Variants in BCL2L12 observed in about 807,000 individuals in gnomAD.
BCL2L12 encodes BCL2 like 12.
A neutral mutation model predicts 25.7 loss-of-function variants in BCL2L12; 27 were observed. The observed-to-expected ratio is 1.05, with a 90% confidence interval of 0.78 to 1.45. The LOEUF (loss-of-function observed/expected upper bound fraction) is 1.45, where lower values mean the gene tolerates loss of function less well. BCL2L12 is among the 40% of genes most tolerant of loss of function. The pLI, the probability that BCL2L12 is intolerant of heterozygous loss-of-function variation, is 0.00. For synonymous variants in BCL2L12, 132 were observed against 145.6 expected, an observed-to-expected ratio of 0.91 and a Z score of 0.67; for missense variants, 302 against 329.8, an observed-to-expected ratio of 0.92 and a Z score of 0.65.
chr19:49,670,442 A>T lies in BCL2L12; in HGVS notation c.656A>T (p.Glu219Val). The change falls in exon 6 of 7, where the codon GAG becomes GTG. Residue 219 changes from glutamate (E) to valine (V), a missense_variant. Physicochemically the swap from Glu to Val is moderately radical, Grantham distance 121. Transcript: ENST00000246784. ...GGCACCCTGGCCGGACTCAGCGTGG[A>T]GCACGTGCACAGCTTCACGCCCTGG... is the stretch of plus-strand genomic sequence containing the variant. The part of the protein sequence containing the change: ...LGGTLAGLSV[E>V]HVHSFTPWIQ... 3 of 1,538,940 alleles carry T rather than the reference A, an allele frequency of 1.9e-6. No homozygotes were observed. Among genetic ancestry groups the T allele is most frequent in the South Asian group, 2.4e-5 (2 of 82,894 alleles).
intron 1 of BCL2L12, 51 bp downstream of exon 1, chr19:49,666,118 C>T (rs1316748003): frequency 1.3e-6 from 2 of 1,513,590 alleles, no homozygotes; most frequent in South Asian, 1.2e-5. Context: ...AGGAGGGGGC[C>T]GGGATCCAGT....
At chr19:49,666,265 C>T (rs767643947) in intron 1 of BCL2L12, among the ~76,000 whole-genome samples, 198 bp downstream of exon 1, 19 of 152,220 alleles carry the variant, frequency 1.2e-4, no homozygotes, top group Non-Finnish European at 1.9e-4. Flanking sequence ...GAAGATTTGC[C>T]CTGAAACCTC....
intron 3 of BCL2L12, among the ~76,000 whole-genome samples, 195 bp from the exon 4 acceptor site, chr19:49,668,656 G>A (rs777707107): frequency 3.9e-5 from 6 of 152,092 alleles, no homozygotes; most frequent in Non-Finnish European, 5.9e-5. Flanking sequence ...CAGGTATGGC[G>A]GCGTGCGCCT....
In BCL2L12 at chr19:49,670,415, G is replaced by C; in HGVS notation, c.629G>C (p.Gly210Ala). The C allele has an allele frequency of 6.5e-7, 1 of 1,543,276 alleles. No individual in the cohort carries two copies. Among genetic ancestry groups the C allele is most frequent in the Non-Finnish European group, 8.7e-7 (1 of 1,148,194 alleles). ...MELSRRVAGL[G>A]GTLAGLSVEH... ...CTGAGCCGGCGCGTGGCCGGGCTGG[G>C]GGGCACCCTGGCCGGACTCAGCGTG... The change falls in exon 6 of 7, where the codon GGG becomes GCG. Residue 210 changes from glycine to alanine, a missense_variant. Coordinates refer to ENST00000246784, the MANE Select transcript of BCL2L12 (RefSeq NM_138639.2).
Position 49,670,392 on chromosome 19 carries a change from G to T in BCL2L12, c.606G>T (p.Leu202=). The T allele has an allele frequency of 6.4e-7, 1 of 1,558,820 alleles. No homozygotes were observed. The highest frequency in any genetic ancestry group is 2.4e-5 in the East Asian group (1 of 42,078). The change falls in exon 6 of 7, where the codon CTG becomes CTT. Residue 202 remains leucine, a synonymous_variant. Coordinates refer to ENST00000246784, the MANE Select transcript of BCL2L12 (RefSeq NM_138639.2). ...CCCGCCTGGCCCTAGCCATGGAGCT[G>T]AGCCGGCGCGTGGCCGGGCTGGGGG... ...PLARLALAME[L]SRRVAGLGGT... is the part of the protein sequence containing the mutation.
chr19:49,665,650 C>T, upstream of BCL2L12: 3 of 782,084 alleles, frequency 3.8e-6, no homozygotes, highest in Non-Finnish European at 4.0e-6. Flanking sequence ...AAGGTCGGGG[C>T]GTGCGGGCAG....
intron 6 of BCL2L12, among the ~76,000 whole-genome samples, chr19:49,673,286 G>T (rs894647500): frequency 1.4e-4 from 21 of 152,110 alleles, no homozygotes; most frequent in African/African-American, 4.8e-4. Context: ...ACCTCATGGG[G>T]CTCTTATTGT....
At chr19:49,673,308 G>A (rs971422322) in intron 6 of BCL2L12, among the ~76,000 whole-genome samples, 1 of 151,888 alleles carries the variant, frequency 6.6e-6, no homozygotes, top group African/African-American at 2.4e-5. Context: ...CTCGTCTTGT[G>A]GGGGCAGAGA....
Position 49,665,991 on chromosome 19 carries a change from A to C in BCL2L12, c.-85A>C, listed in dbSNP as rs776259017. 40 of 1,607,442 alleles carry C rather than the reference A, an allele frequency of 2.5e-5. No individual in the cohort carries two copies. The highest frequency in any genetic ancestry group is 8.9e-5 in the East Asian group (4 of 44,744). ...CAGTGCGCAGGCGCGGGAAAGTTGAACTAATAAAGTTTGTACGAGTTCAGT... is the reference window on the plus strand; with the variant it reads ...CAGTGCGCAGGCGCGGGAAAGTTGACCTAATAAAGTTTGTACGAGTTCAGT... On this transcript the variant is annotated 5_prime_UTR_variant, in exon 1 of 7. Transcript: ENST00000246784.
At chr19:49,673,524 C>T (rs538591575) in intron 6 of BCL2L12, among the ~76,000 whole-genome samples, 174 bp from the exon 7 acceptor site, 19 of 152,140 alleles carry the variant, frequency 1.2e-4, no homozygotes, top group Admixed American at 8.5e-4. Context: ...GACCCTGCCC[C>T]CTCATCCCTG....
intron 5 of BCL2L12, 112 bp downstream of exon 5, chr19:49,669,227 T>C: frequency 6.7e-7 from 1 of 1,503,338 alleles, no homozygotes; most frequent in Non-Finnish European, 8.9e-7. Flanking sequence ...GGAAAGAGGC[T>C]GGGACAAGGT....
chr19:49,670,329 A>G lies in BCL2L12; in HGVS notation c.543A>G (p.Ala181=), dbSNP rs762372968. The G allele has an allele frequency of 7.5e-6, 12 of 1,604,032 alleles. No homozygotes were observed. Among genetic ancestry groups the G allele is most frequent in the East Asian group, 6.7e-5 (3 of 44,538 alleles). The change falls in exon 6 of 7, where the codon GCA becomes GCG. Residue 181 remains alanine, a synonymous_variant. Coordinates refer to ENST00000246784, the MANE Select transcript of BCL2L12 (RefSeq NM_138639.2). The part of the protein sequence containing the change: ...SRDDSSRPSR[A]CPGPPPPSPE... ...ATGACAGCTCTCGCCCAAGCCGAGC[A>G]TGCCCCGGGCCCCCGCCTCCTTCCC... is the stretch of plus-strand genomic sequence containing the variant.
chr19:49,665,927 T>G, upstream of BCL2L12: 1 of 1,613,790 alleles, frequency 6.2e-7, no homozygotes, highest in Non-Finnish European at 8.5e-7. Flanking sequence ...GCACCCAGCG[T>G]TCCGCCCTTT....
At chr19:49,673,489 G>A (rs1441284570) in intron 6 of BCL2L12, among the ~76,000 whole-genome samples, 1 of 152,026 alleles carries the variant, frequency 6.6e-6, no homozygotes, top group Admixed American at 6.6e-5. Context: ...CCCTCCTCGA[G>A]CTCAACCTTT....
intron 6 of BCL2L12, among the ~76,000 whole-genome samples, chr19:49,671,394 C>T (rs369934804): frequency 2.0e-5 from 3 of 149,424 alleles, no homozygotes; most frequent in African/African-American, 7.4e-5. Context: ...TGTAGTGAGC[C>T]GAGATTGCAC....
intron 6 of BCL2L12, 138 bp from the exon 7 acceptor site, chr19:49,673,560 C>T (rs2082003333): frequency 1.4e-6 from 1 of 726,080 alleles, no homozygotes; most frequent in Non-Finnish European, 2.5e-6. Context: ...GTCTCTGTCC[C>T]CTTGTCTGGG....
Position 49,665,997 on chromosome 19 carries a change from A to G in BCL2L12, c.-79A>G, listed in dbSNP as rs564623657. 1.2e-5 allele frequency: 19 copies of G among 1,603,586 alleles called. No individual in the cohort carries two copies. The highest frequency in any genetic ancestry group is 5.1e-5 in the Admixed American group (3 of 58,442). On this transcript the variant is annotated 5_prime_UTR_variant, in exon 1 of 7. In the 5' UTR this introduces an upstream ATG that the reference lacks. Coordinates refer to ENST00000246784, the MANE Select transcript of BCL2L12 (RefSeq NM_138639.2). ...GCAGGCGCGGGAAAGTTGAACTAAT[A>G]AAGTTTGTACGAGTTCAGTGGAGGA...
Position 49,670,284 on chromosome 19 carries a change from G to A in BCL2L12, c.498G>A (p.Val166=). Residue 166 remains valine, a synonymous_variant, in exon 6 of 7, where the codon GTG becomes GTA. Coordinates refer to ENST00000246784, the MANE Select transcript of BCL2L12 (RefSeq NM_138639.2). Reference sequence around the variant, plus strand: ...CCTCCGACTCTTTCGCCCGCCTGGTGGAGCTGTTCTGTAGCCGGGATGACA... The same window carrying A: ...CCTCCGACTCTTTCGCCCGCCTGGTAGAGCTGTTCTGTAGCCGGGATGACA... The part of the protein sequence containing the change: ...RLSSDSFARL[V]ELFCSRDDSS... 6.2e-7 allele frequency: 1 copy of A among 1,611,268 alleles called. No homozygotes were observed.
At position 49,666,013 on chromosome 19, in the gene BCL2L12, C is replaced by T. The variant is rs1469976724; in HGVS notation, c.-63C>T. 6.3e-7 allele frequency: 1 copy of T among 1,587,736 alleles called. No individual in the cohort carries two copies. Among genetic ancestry groups the T allele is most frequent in the Non-Finnish European group, 8.6e-7 (1 of 1,165,484 alleles). On this transcript the variant is annotated 5_prime_UTR_variant, in exon 1 of 7. Coordinates refer to ENST00000246784, the MANE Select transcript of BCL2L12 (RefSeq NM_138639.2). The stretch of plus-strand genomic sequence containing the variant: ...TGAACTAATAAAGTTTGTACGAGTT[C>T]AGTGGAGGAGACCGCAAGTTGAGTG...
Sources: allele counts gnomAD v4.1 joint callset (sites outside exome capture counted in the v4.1 genomes callset), GRCh38; gene constraint gnomAD v4.1.1; transcripts MANE v1.5; gene names NCBI Gene and HGNC (gene_info 2026-07-23, HGNC 2026-07-21).